RETREG1: variants seen among roughly 807,000 people sequenced by gnomAD.
RETREG1 encodes family with sequence similarity 134 member B.
Under a neutral mutation model 54.8 loss-of-function variants are expected in RETREG1, and 44 were observed. That is an observed-to-expected ratio of 0.80 (90% CI 0.63 to 1.03). RETREG1 has a LOEUF of 1.03. Ranked by LOEUF, RETREG1 falls within the 50% of genes least tolerant of loss-of-function variation. RETREG1 has a pLI of 0.00. For missense variants in RETREG1, 554 were observed against 605.1 expected, an observed-to-expected ratio of 0.92 and a Z score of 0.89; for synonymous variants, 217 against 238.5, an observed-to-expected ratio of 0.91 and a Z score of 0.83.
intron 3 of RETREG1, among the ~76,000 whole-genome samples, chr5:16,501,959 C>CTTTTT (rs34047511): frequency 7.3e-6 from 1 of 136,594 alleles, no homozygotes. Context: ...ATTAAGTAAG[C>CTTTTT]TTTTTTTTTT....
At chr5:16,522,982 G>C (rs1420133176) in intron 3 of RETREG1, among the ~76,000 whole-genome samples, 1 of 151,768 alleles carries the variant, frequency 6.6e-6, no homozygotes. Context: ...CTCCAGCCTG[G>C]GCAATGCTGT....
rs953612304 is a variant in RETREG1 at position 16,606,290 on chromosome 5, C to A, written c.320+10362G>T. ...AACAACCCTCTCCTGGAACTCCCCT[C>A]TGCTGCCACTCTCCTTCTCAAGGTG... On this transcript the variant is annotated intron_variant, in intron 1 of 8. Transcript: ENST00000306320. Among the ~76,000 whole-genome samples the A allele has an allele frequency of 2.6e-5, 4 of 152,124 alleles. No individual in the cohort carries two copies. In the East Asian group the frequency reaches 7.7e-4, roughly 29 times the overall value.
At chr5:16,569,794 C>T (rs1191390201) in intron 2 of RETREG1, among the ~76,000 whole-genome samples, 2 of 152,164 alleles carry the variant, frequency 1.3e-5, no homozygotes, top group Non-Finnish European at 2.9e-5. Flanking sequence ...GAGAAAATCA[C>T]ACTGGATTAT....
Position 16,474,685 on chromosome 5 carries a change from T to TTTTTTTTTTAA in RETREG1, c.*55_*56insTTAAAAAAAAA. 1 of 1,540,698 alleles carries TTTTTTTTTTAA rather than the reference T, an allele frequency of 6.5e-7. No individual in the cohort carries two copies. Among genetic ancestry groups the TTTTTTTTTTAA allele is most frequent in the Non-Finnish European group, 8.7e-7 (1 of 1,147,490 alleles). On this transcript the variant is annotated 3_prime_UTR_variant, in exon 9 of 9. Transcript: ENST00000306320. ...TTTCTTTTCCTTTTTTTTTTTTTTTTCTTGTTTGAAATTTTTTTGGTGTTT... is the reference window on the plus strand; with the variant it reads ...TTTCTTTTCCTTTTTTTTTTTTTTTTTTTTTTTTTAACTTGTTTGAAATTTTTTTGGTGTTT...
At chr5:16,525,536 C>G (rs1484403066) in intron 3 of RETREG1, among the ~76,000 whole-genome samples, 1 of 152,164 alleles carries the variant, frequency 6.6e-6, no homozygotes, top group Non-Finnish European at 1.5e-5. Flanking sequence ...TTGAGCAAGT[C>G]AGCTGGGAAA....
rs369353830 is a variant in RETREG1 at position 16,475,065 on chromosome 5, C to T, written c.1170G>A (p.Thr390=). 56 of 1,613,744 alleles carry T rather than the reference C, an allele frequency of 3.5e-5. No individual in the cohort carries two copies. In the East Asian group the frequency reaches 9.6e-4, roughly 28 times the overall value. Residue 390 remains threonine (T), a synonymous_variant, in exon 9 of 9, where the codon ACG becomes ACA. Transcript: ENST00000306320. The part of the protein sequence containing the change: ...LDSGHRPSKE[T]QSAAGLTLPL... ...GAAGGGTGAGACCAGCTGCTGATTG[C>T]GTCTCTTTGCTTGGTCTGTGACCAC...
intron 7 of RETREG1, 85 bp downstream of exon 7, chr5:16,477,949 T>C (rs1738611384): frequency 7.5e-7 from 1 of 1,341,018 alleles, no homozygotes; most frequent in Non-Finnish European, 1.0e-6. Flanking sequence ...GAGGAGTTTA[T>C]TAGGAAGATC....
At position 16,549,538 on chromosome 5, in the gene RETREG1, CA is replaced by C. The variant is rs761685984; in HGVS notation, c.458+16224del. On this transcript the variant is annotated intron_variant, in intron 3 of 8. Transcript: ENST00000306320. ...CTAGATCAGTTTCAGGCCTATTTCT[CA>C]ATTTAAAAATAAAGTTTCTGTTCCA... 3.6e-4 allele frequency among the ~76,000 whole-genome samples: 55 copies of C among 152,126 alleles called. 1 individual carries two copies. Among genetic ancestry groups the C allele is most frequent in the Admixed American group, 1.2e-3 (19 of 15,264 alleles).
At chr5:16,546,133 C>G (rs1159130431) in intron 3 of RETREG1, among the ~76,000 whole-genome samples, 1 of 152,180 alleles carries the variant, frequency 6.6e-6, no homozygotes, top group Non-Finnish European at 1.5e-5. Flanking sequence ...TTCCTTTGGT[C>G]TATCTGTTTT....
At chr5:16,502,717 T>A (rs334468) in intron 3 of RETREG1, among the ~76,000 whole-genome samples, 72,829 of 152,100 alleles carry the variant, frequency 0.48, 18,118 homozygotes, top group Middle Eastern at 0.58. Context: ...TCTTCCCAAA[T>A]GAACAGCTAT....
intron 3 of RETREG1, among the ~76,000 whole-genome samples, chr5:16,491,309 C>A (rs1176186286): frequency 1.3e-5 from 2 of 152,190 alleles, no homozygotes; most frequent in Non-Finnish European, 2.9e-5. Context: ...TCTTTCAGGG[C>A]AACTATGAAT....
Position 16,474,220 on chromosome 5 carries a change from T to G in RETREG1, c.*521A>C, listed in dbSNP as rs185192488. 1 of 157,098 alleles carries G rather than the reference T, an allele frequency of 6.4e-6. No individual in the cohort carries two copies. The highest frequency in any genetic ancestry group is 1.4e-5 in the Non-Finnish European group (1 of 71,564). 9.7% of individuals were successfully genotyped at this position (157,098 alleles called of 1,614,324 possible). On this transcript the variant is annotated 3_prime_UTR_variant, in exon 9 of 9. Coordinates refer to ENST00000306320, the MANE Select transcript of RETREG1 (RefSeq NM_001034850.3). Reference sequence around the variant, plus strand: ...CTAAGAAATTAATTTTGATAGTATTTCCCAAGTCCTTCAACTAAGATACCT... The same window carrying G: ...CTAAGAAATTAATTTTGATAGTATTGCCCAAGTCCTTCAACTAAGATACCT...
At chr5:16,484,255 A>G (rs1352173094) in intron 3 of RETREG1, among the ~76,000 whole-genome samples, 1 of 152,164 alleles carries the variant, frequency 6.6e-6, no homozygotes, top group Non-Finnish European at 1.5e-5. Flanking sequence ...CTCCAGGAAG[A>G]AGACACATGT....
At chr5:16,493,969 C>T (rs998433065) in intron 3 of RETREG1, among the ~76,000 whole-genome samples, 2 of 152,178 alleles carry the variant, frequency 1.3e-5, no homozygotes, top group Admixed American at 6.5e-5. Flanking sequence ...AGATGGCAAA[C>T]TTGGAGTGAC....
intron 1 of RETREG1, among the ~76,000 whole-genome samples, chr5:16,612,445 G>C (rs1743374464): frequency 6.6e-6 from 1 of 152,210 alleles, no homozygotes. Context: ...ACAGGGACAG[G>C]CGTGGGAAGA....
intron 1 of RETREG1, among the ~76,000 whole-genome samples, chr5:16,581,526 AACACACAC>A (rs3993834): frequency 0.38 from 54,578 of 143,526 alleles, 10,721 homozygotes; most frequent in Non-Finnish European, 0.46. Context: ...TCAGAAACAC[AACACACAC>A]ACACACACAC....
At chr5:16,555,155 T>C (rs1741670535) in intron 3 of RETREG1, among the ~76,000 whole-genome samples, 2 of 146,952 alleles carry the variant, frequency 1.4e-5, no homozygotes, top group Non-Finnish European at 2.9e-5. Flanking sequence ...TATTTATTAA[T>C]TTATTTTTAT....
intron 3 of RETREG1, among the ~76,000 whole-genome samples, chr5:16,522,125 C>G (rs1384455328): frequency 6.6e-6 from 1 of 152,072 alleles, no homozygotes; most frequent in Non-Finnish European, 1.5e-5. Flanking sequence ...GACCACCACC[C>G]TGTGGTATCT....
At chr5:16,606,980 C>A (rs896958513) in intron 1 of RETREG1, among the ~76,000 whole-genome samples, 2 of 152,134 alleles carry the variant, frequency 1.3e-5, no homozygotes, top group Admixed American at 1.3e-4. Context: ...CCCACTCCCA[C>A]CCCAGGGCTT....
Sources: allele counts gnomAD v4.1 joint callset (sites outside exome capture counted in the v4.1 genomes callset), GRCh38; gene constraint gnomAD v4.1.1; transcripts MANE v1.5; gene names NCBI Gene and HGNC (gene_info 2026-07-23, HGNC 2026-07-21).